AGPAT4: variants seen among roughly 807,000 people sequenced by gnomAD.
AGPAT4 encodes the protein 1-acyl-sn-glycerol-3-phosphate acyltransferase delta.
Under a neutral mutation model 48.0 loss-of-function variants are expected in AGPAT4, and 15 were observed. The ratio of observed to expected loss-of-function variants is 0.31; its 90% CI spans 0.21 to 0.48. The LOEUF is 0.48. Ranked by LOEUF, AGPAT4 falls within the 20% of genes least tolerant of loss-of-function variation. AGPAT4 has a pLI of 0.99. For synonymous variants in AGPAT4, 178 were observed against 198.7 expected (o/e 0.90, Z 0.88); for missense variants, 314 against 482.5 (o/e 0.65, Z 3.27).
At chr6:161,210,957 T>C (rs1019980176) in intron 2 of AGPAT4, among the ~76,000 whole-genome samples, 91 of 152,340 alleles carry the variant, frequency 6.0e-4, no homozygotes, top group Admixed American at 3.1e-3. Flanking sequence ...GGCAGTAAAA[T>C]TTGTTATCAT....
chr6:161,213,594 G>A (rs1025476202), intron 2 of AGPAT4, among the ~76,000 whole-genome samples: 4 of 152,056 alleles, frequency 2.6e-5, no homozygotes, highest in African/African-American at 9.7e-5. Context: ...CCTGTGAACT[G>A]AAGCCAGACA....
intron 1 of AGPAT4, among the ~76,000 whole-genome samples, chr6:161,271,135 G>A (rs1783410209): frequency 6.6e-6 from 1 of 152,132 alleles, no homozygotes; most frequent in Admixed American, 6.5e-5. Context: ...ATCTACTTAT[G>A]CTTTCAACCA....
intron 1 of AGPAT4, among the ~76,000 whole-genome samples, chr6:161,248,230 A>G (rs1420400614): frequency 1.3e-5 from 2 of 152,106 alleles, no homozygotes; most frequent in South Asian, 2.1e-4. Flanking sequence ...ACAATAGACA[A>G]GCCAAGAACA....
At chr6:161,151,175 C>A (rs1352945800) in intron 5 of AGPAT4, among the ~76,000 whole-genome samples, 1 of 152,222 alleles carries the variant, frequency 6.6e-6, no homozygotes, top group Non-Finnish European at 1.5e-5. Context: ...TCCCAGCTCG[C>A]CATGTACTGG....
rs779946646 is a variant in AGPAT4 at position 161,144,280 on chromosome 6, GA to G, written c.843+2243del. 2.1e-6 allele frequency: 1 copy of G among 477,144 alleles called. No individual in the cohort carries two copies. Among genetic ancestry groups the G allele is most frequent in the Non-Finnish European group, 4.3e-6 (1 of 231,532 alleles). 29.6% of individuals were successfully genotyped at this position (477,144 alleles called of 1,614,324 possible). A position where few individuals can be genotyped will look rare whatever the true frequency, so the allele number is the denominator to read the frequency against. On this transcript the variant is annotated intron_variant, in intron 7 of 8. Coordinates refer to ENST00000320285, the MANE Select transcript of AGPAT4 (RefSeq NM_020133.3). The surrounding 1 kb of genome is among the most constrained non-coding windows in gnomAD (Gnocchi z 6.6). ...GTCGCCCCAGCCCTGCACGGAGAGA[GA>G]AAGGGCCTGGACTCCAGCACCTGGC...
intron 7 of AGPAT4, among the ~76,000 whole-genome samples, chr6:161,145,943 ACTCCC>A (rs1390403793): frequency 6.6e-6 from 1 of 151,636 alleles, no homozygotes; most frequent in Admixed American, 6.6e-5. Context: ...TAGTTATGAG[ACTCCC>A]TTCCTTGCAT....
rs1781820141 is a variant in AGPAT4 at position 161,221,004 on chromosome 6, G to C, written c.178+11032C>G. On this transcript the variant is annotated intron_variant, in intron 2 of 8. Transcript: ENST00000320285. This position sits in a 1 kb window ranked among gnomAD's most constrained non-coding sequence, Gnocchi z 4.5. ...TTACCATGTTGGTCAGGCTGGTCTTGAACTCCTGACCTCAGGTGATCTACC... is the reference window on the plus strand; with the variant it reads ...TTACCATGTTGGTCAGGCTGGTCTTCAACTCCTGACCTCAGGTGATCTACC... Among the ~76,000 whole-genome samples, 1 of 151,896 alleles carries C rather than the reference G, an allele frequency of 6.6e-6. No homozygotes were observed.
At position 161,236,925 on chromosome 6, in the gene AGPAT4, C is replaced by G. The variant is rs1447414130; in HGVS notation, c.-89-4623G>C. ...TCAAACAAAATAAATAAATAAAAGGCAGGGGGAGGCTTCTCTCCAGATAAT... is the reference window on the plus strand; with the variant it reads ...TCAAACAAAATAAATAAATAAAAGGGAGGGGGAGGCTTCTCTCCAGATAAT... On this transcript the variant is annotated intron_variant, in intron 1 of 8. Coordinates refer to ENST00000320285, the MANE Select transcript of AGPAT4 (RefSeq NM_020133.3). The surrounding 1 kb of genome is among the most constrained non-coding windows in gnomAD (Gnocchi z 5.0). Among the ~76,000 whole-genome samples, 4 of 151,996 alleles carry G rather than the reference C, an allele frequency of 2.6e-5. No individual in the cohort carries two copies. The highest frequency in any genetic ancestry group is 4.4e-5 in the Non-Finnish European group (3 of 67,988).
At chr6:161,228,553 G>A (rs1782040420) in intron 2 of AGPAT4, among the ~76,000 whole-genome samples, 1 of 146,908 alleles carries the variant, frequency 6.8e-6, no homozygotes, top group South Asian at 2.2e-4. Flanking sequence ...TTAGGTCACT[G>A]GCAATCCTTC....
Position 161,130,342 on chromosome 6 carries a change from T to A in AGPAT4, c.*6198A>T, listed in dbSNP as rs1393876755. On this transcript the variant is annotated 3_prime_UTR_variant, in exon 9 of 9. Transcript: ENST00000320285. ...TTCTTAGGGCATCTTTGCTCTCTCC[T>A]GGCCATTACTGCTTGCTTTTATGTA... is the stretch of plus-strand genomic sequence containing the variant. 6.5e-6 allele frequency: 1 copy of A among 154,262 alleles called. No homozygotes were observed. The highest frequency in any genetic ancestry group is 1.4e-5 in the Non-Finnish European group (1 of 69,322). The allele number at this position is 154,262 out of a possible 1,614,324, so 9.6% of individuals were successfully genotyped here.
rs558863915 is a variant in AGPAT4 at position 161,202,759 on chromosome 6, A to G, written c.178+29277T>C. ...CAGGATAATGTGGCAGAAAAAATGC[A>G]TGACTCTCAAGGCCAGGTCATAACC... On this transcript the variant is annotated intron_variant, in intron 2 of 8. Transcript: ENST00000320285. This position sits in a 1 kb window ranked among gnomAD's most constrained non-coding sequence, Gnocchi z 5.4. Among the ~76,000 whole-genome samples the G allele has an allele frequency of 6.6e-6, 1 of 152,290 alleles. No individual in the cohort carries two copies. The highest frequency in any genetic ancestry group is 1.5e-5 in the Non-Finnish European group (1 of 68,016).
rs550318704 is a variant in AGPAT4 at position 161,137,710 on chromosome 6, C to T, written c.1043-1076G>A. The stretch of plus-strand genomic sequence containing the variant: ...GGCGCAGGCTCAGAGTAATGGGGCA[C>T]GGCAGTCAGCTCCTCAGATGCTCCT... On this transcript the variant is annotated intron_variant, in intron 8 of 8. Transcript: ENST00000320285. The surrounding 1 kb of genome is among the most constrained non-coding windows in gnomAD (Gnocchi z 6.1). 3.9e-5 allele frequency among the ~76,000 whole-genome samples: 6 copies of T among 152,250 alleles called. No individual in the cohort carries two copies. Among genetic ancestry groups the T allele is most frequent in the South Asian group, 2.1e-4 (1 of 4,820 alleles).
rs1562344057 is a variant in AGPAT4 at position 161,219,950 on chromosome 6, A to AGGCAGG, written c.178+12085_178+12086insCCTGCC. Among the ~76,000 whole-genome samples the AGGCAGG allele has an allele frequency of 1.3e-4, 12 of 91,684 alleles. 1 individual carries two copies. In the Admixed American group the frequency reaches 1.4e-3, roughly 11 times the overall value. 60.1% of individuals were successfully genotyped at this position (91,684 alleles called of 152,430 possible). On this transcript the variant is annotated intron_variant, in intron 2 of 8. Transcript: ENST00000320285. The surrounding 1 kb of genome is among the most constrained non-coding windows in gnomAD (Gnocchi z 4.9). Reference sequence around the variant, plus strand: ...GGCAGGCAGGCAGGCAGGCAGGCAGACAGACAGACAGACAGACAGGCAGGC... The same window carrying AGGCAGG: ...GGCAGGCAGGCAGGCAGGCAGGCAGAGGCAGGCAGACAGACAGACAGACAGGCAGGC...
At chr6:161,168,431 C>T (rs961524806) in intron 2 of AGPAT4, among the ~76,000 whole-genome samples, 18 of 152,060 alleles carry the variant, frequency 1.2e-4, no homozygotes, top group South Asian at 2.1e-4. Context: ...CCACTCTCAC[C>T]GCCCCCTACC....
chr6:161,258,691 T>C lies in AGPAT4; in HGVS notation c.-90+15247A>G, dbSNP rs1016476464. Reference sequence around the variant, plus strand: ...CCCCGCAAAAAACACAGAAACACCATCCACAGAGAGTCATTACTCAAGCTA... The same window carrying C: ...CCCCGCAAAAAACACAGAAACACCACCCACAGAGAGTCATTACTCAAGCTA... On this transcript the variant is annotated intron_variant, in intron 1 of 8. Transcript: ENST00000320285. Among the ~76,000 whole-genome samples, 12 of 151,886 alleles carry C rather than the reference T, an allele frequency of 7.9e-5. No homozygotes were observed. The East Asian group carries it at 1.7e-3, about 22-fold the overall frequency.
rs1295551207 is a variant in AGPAT4, at chr6:161,251,613, C to T, written c.-89-19311G>A. 6.6e-6 allele frequency among the ~76,000 whole-genome samples: 1 copy of T among 152,172 alleles called. No homozygotes were observed. The highest frequency in any genetic ancestry group is 1.5e-5 in the Non-Finnish European group (1 of 68,040). ...TGTCCGGCCGCTGGTTAAAGACCCGCAGGGAGGATGGAAGCTGCGCCTGAG... is the reference window on the plus strand; with the variant it reads ...TGTCCGGCCGCTGGTTAAAGACCCGTAGGGAGGATGGAAGCTGCGCCTGAG... On this transcript the variant is annotated intron_variant, in intron 1 of 8. Coordinates refer to ENST00000320285, the MANE Select transcript of AGPAT4 (RefSeq NM_020133.3). This position sits in a 1 kb window ranked among gnomAD's most constrained non-coding sequence, Gnocchi z 4.6.
chr6:161,163,381 G>A (rs768947890), intron 3 of AGPAT4, among the ~76,000 whole-genome samples: 1 of 152,144 alleles, frequency 6.6e-6, no homozygotes, highest in Non-Finnish European at 1.5e-5. Flanking sequence ...AGAAAAAACA[G>A]AGAGATGAAT....
Position 161,143,104 on chromosome 6 carries a change from G to A in AGPAT4, c.843+3420C>T, listed in dbSNP as rs1427850087. On this transcript the variant is annotated intron_variant, in intron 7 of 8. Coordinates refer to ENST00000320285, the MANE Select transcript of AGPAT4 (RefSeq NM_020133.3). The surrounding 1 kb of genome is among the most constrained non-coding windows in gnomAD (Gnocchi z 4.7). ...TATTTCTCTTTAGAGACAGGGTCTTGCTCTGCTGCCCAGGCTGGAGTGCAG... is the reference window on the plus strand; with the variant it reads ...TATTTCTCTTTAGAGACAGGGTCTTACTCTGCTGCCCAGGCTGGAGTGCAG... Among the ~76,000 whole-genome samples the A allele has an allele frequency of 1.3e-5, 2 of 152,152 alleles. No homozygotes were observed. Among genetic ancestry groups the A allele is most frequent in the African/African-American group, 4.8e-5 (2 of 41,450 alleles).
Position 161,220,974 on chromosome 6 carries a change from G to A in AGPAT4, c.178+11062C>T, listed in dbSNP as rs903655092. Among the ~76,000 whole-genome samples, 2 of 151,828 alleles carry A rather than the reference G, an allele frequency of 1.3e-5. No individual in the cohort carries two copies. The highest frequency in any genetic ancestry group is 1.5e-5 in the Non-Finnish European group (1 of 67,978). On this transcript the variant is annotated intron_variant, in intron 2 of 8. Coordinates refer to ENST00000320285, the MANE Select transcript of AGPAT4 (RefSeq NM_020133.3). The surrounding 1 kb of genome is among the most constrained non-coding windows in gnomAD (Gnocchi z 6.0). ...AATTTTTTTTATTTTTAGTAGAGAC[G>A]GGGTTTACCATGTTGGTCAGGCTGG...
Sources: allele counts gnomAD v4.1 joint callset (sites outside exome capture counted in the v4.1 genomes callset), GRCh38; gene constraint gnomAD v4.1.1; non-coding constraint Gnocchi (gnomAD v3.1); transcripts MANE v1.5; gene names NCBI Gene and HGNC (gene_info 2026-07-23, HGNC 2026-07-21).